OR1J2: variants seen among roughly 807,000 people sequenced by gnomAD.
OR1J2 encodes olfactory receptor 1J2.
For missense variants in OR1J2, 304 were observed against 246.1 expected (o/e 1.24, Z -1.57); for synonymous variants, 142 against 99.7 (o/e 1.42, Z -2.52).
chr9:122,489,343 A>G, the OR1J2 span, among the ~76,000 whole-genome samples: 1 of 152,018 alleles, frequency 6.6e-6, no homozygotes, highest in Admixed American at 6.6e-5. Context: ...CTGGAAAGCA[A>G]CAGCCTGGGT....
At chr9:122,474,918 C>T in the OR1J2 span, among the ~76,000 whole-genome samples, 5 of 152,336 alleles carry the variant, frequency 3.3e-5, no homozygotes, top group Middle Eastern at 3.4e-3. Flanking sequence ...GCAGCTGACA[C>T]GAACCTCTTC....
At chr9:122,482,531 G>A in the OR1J2 span, among the ~76,000 whole-genome samples, 1 of 152,090 alleles carries the variant, frequency 6.6e-6, no homozygotes, top group South Asian at 2.1e-4. Context: ...ATATTCAAAG[G>A]AAATACAGTC....
At chr9:122,495,462 G>C in the OR1J2 span, among the ~76,000 whole-genome samples, 1 of 151,716 alleles carries the variant, frequency 6.6e-6, no homozygotes, top group Non-Finnish European at 1.5e-5. Flanking sequence ...TCTTTCTTCT[G>C]CTTGTTTGAT....
chr9:122,573,479 G>C, the OR1J2 span, among the ~76,000 whole-genome samples: 1 of 152,266 alleles, frequency 6.6e-6, no homozygotes, highest in South Asian at 2.1e-4. Context: ...GTTTTAATTT[G>C]AATTTCCCAG....
the OR1J2 span, chr9:122,477,942 A>C: frequency 6.5e-7 from 1 of 1,545,526 alleles, no homozygotes. Flanking sequence ...TATCAGCTGG[A>C]GGGCACTAGG....
At chr9:122,509,892 C>A (rs1013388557), upstream of OR1J2, among the ~76,000 whole-genome samples, 9 of 152,086 alleles carry the variant, frequency 5.9e-5, no homozygotes, top group African/African-American at 1.7e-4. Flanking sequence ...TTCTTAGGAA[C>A]CCTCTACATA....
chr9:122,497,269 G>A, the OR1J2 span, among the ~76,000 whole-genome samples: 1 of 152,142 alleles, frequency 6.6e-6, no homozygotes, highest in East Asian at 1.9e-4. Context: ...AAAATTTCAG[G>A]ATGTGAGTCC....
the OR1J2 span, chr9:122,477,285 G>C: frequency 3.1e-6 from 5 of 1,614,060 alleles, no homozygotes; most frequent in Non-Finnish European, 4.2e-6. Flanking sequence ...AAGAAACCAG[G>C]ATGCACAGGA....
chr9:122,510,352 G>C (rs2119377832), upstream of OR1J2, among the ~76,000 whole-genome samples: 1 of 152,200 alleles, frequency 6.6e-6, no homozygotes, highest in South Asian at 2.1e-4. Context: ...ACAGGTGCAA[G>C]ATTTATGTTT....
chr9:122,484,911 G>A, the OR1J2 span, among the ~76,000 whole-genome samples: 1 of 152,126 alleles, frequency 6.6e-6, no homozygotes, highest in African/African-American at 2.4e-5. Flanking sequence ...GTATGCGCCT[G>A]TGGTCCCAGC....
At chr9:122,476,994 C>A in the OR1J2 span, 1 of 1,584,910 alleles carries the variant, frequency 6.3e-7, no homozygotes, top group East Asian at 2.2e-5. Context: ...AGGCATGAGC[C>A]ACTGCGCCTG....
chr9:122,490,460 T>G, the OR1J2 span, among the ~76,000 whole-genome samples: 1 of 152,216 alleles, frequency 6.6e-6, no homozygotes, highest in Non-Finnish European at 1.5e-5. Flanking sequence ...TGTTTACCCT[T>G]AAAGGTATTT....
chr9:122,489,785 T>C, the OR1J2 span, among the ~76,000 whole-genome samples: 4 of 152,188 alleles, frequency 2.6e-5, no homozygotes, highest in African/African-American at 9.6e-5. Context: ...TGGGCCTCAA[T>C]TTGATACTCA....
At chr9:122,577,282 T>A in the OR1J2 span, among the ~76,000 whole-genome samples, 1 of 152,182 alleles carries the variant, frequency 6.6e-6, no homozygotes, top group Admixed American at 6.6e-5. Context: ...GTTAAGCAAT[T>A]TAGAAAAGTC....
chr9:122,516,633 G>C (rs1828703826), downstream of OR1J2, among the ~76,000 whole-genome samples: 2 of 152,158 alleles, frequency 1.3e-5, no homozygotes, highest in South Asian at 4.1e-4. Context: ...AATTTATGCA[G>C]ATAGAAATAG....
the OR1J2 span, among the ~76,000 whole-genome samples, chr9:122,565,603 T>A: frequency 6.6e-6 from 1 of 152,212 alleles, no homozygotes; most frequent in Admixed American, 6.5e-5. Flanking sequence ...GATTAGCCAA[T>A]TACTTGGTGG....
At chr9:122,497,046 C>G in the OR1J2 span, among the ~76,000 whole-genome samples, 1 of 152,116 alleles carries the variant, frequency 6.6e-6, no homozygotes, top group Non-Finnish European at 1.5e-5. Context: ...TCTCCTTCCC[C>G]CCTGTACATC....
chr9:122,518,665 T>C, the OR1J2 span, among the ~76,000 whole-genome samples: 1 of 152,224 alleles, frequency 6.6e-6, no homozygotes, highest in Non-Finnish European at 1.5e-5. Context: ...ATGAAAACTT[T>C]GGCTGTTTAT....
chr9:122,552,115 C>T, the OR1J2 span, among the ~76,000 whole-genome samples: 4 of 133,916 alleles, frequency 3.0e-5, no homozygotes, highest in African/African-American at 8.0e-5. Flanking sequence ...CTTCCCAGTT[C>T]GATGATCAGG....
Sources: gnomAD v4.1 joint callset for allele counts (sites outside exome capture counted in the v4.1 genomes callset) on GRCh38, gnomAD v4.1.1 for gene constraint, MANE v1.5 for transcripts, NCBI Gene and HGNC (gene_info 2026-07-23, HGNC 2026-07-21) for gene names.